FAM81B: variants seen among roughly 807,000 people sequenced by gnomAD.
The protein encoded by FAM81B is family with sequence similarity 81 member B, also known as protein FAM81B.
FAM81B carries 60 observed loss-of-function variants against 58.7 expected under a neutral mutation model. The ratio of observed to expected loss-of-function variants is 1.02; its 90% confidence interval spans 0.83 to 1.27. FAM81B has a LOEUF of 1.27. Ranked by LOEUF, FAM81B falls within the 50% of genes most tolerant of loss-of-function variation. The pLI is 0.00. For synonymous variants in FAM81B, 189 were observed against 179.6 expected, an observed-to-expected ratio of 1.05 and a Z score of -0.42; for missense variants, 491 against 522.0, an observed-to-expected ratio of 0.94 and a Z score of 0.58.
At chr5:95,433,813 C>T (rs1745000160) in intron 6 of FAM81B, among the ~76,000 whole-genome samples, 1 of 152,110 alleles carries the variant, frequency 6.6e-6, no homozygotes, top group South Asian at 2.1e-4. Context: ...ATTAAAGTCT[C>T]CTCTGGTTAT....
intron 6 of FAM81B, among the ~76,000 whole-genome samples, chr5:95,429,761 G>A (rs1429273172): frequency 6.6e-6 from 1 of 152,142 alleles, no homozygotes; most frequent in Admixed American, 6.5e-5. Context: ...AATAAAAGTG[G>A]TCATAGAAGG....
intron 6 of FAM81B, among the ~76,000 whole-genome samples, chr5:95,434,038 T>C (rs1250424023): frequency 2.0e-5 from 3 of 152,238 alleles, no homozygotes; most frequent in Non-Finnish European, 4.4e-5. Flanking sequence ...TTTTTATTCA[T>C]TTATTTTTAA....
intron 9 of FAM81B, chr5:95,448,715 A>G (rs752357228): frequency 1.8e-5 from 6 of 330,868 alleles, no homozygotes; most frequent in South Asian, 3.0e-5. Flanking sequence ...TTTTTTTTTT[A>G]CTAAGATCAT....
intron 7 of FAM81B, among the ~76,000 whole-genome samples, 164 bp downstream of exon 7, chr5:95,437,070 T>A (rs1193484430): frequency 6.6e-6 from 1 of 152,098 alleles, no homozygotes; most frequent in Non-Finnish European, 1.5e-5. Flanking sequence ...GTAACTTATA[T>A]AATATTTATA....
chr5:95,427,562 A>G (rs924567052), intron 5 of FAM81B, among the ~76,000 whole-genome samples: 3 of 152,202 alleles, frequency 2.0e-5, no homozygotes, highest in Middle Eastern at 3.2e-3. Flanking sequence ...CAAAAACTTT[A>G]AGGAAAAAAG....
chr5:95,430,741 A>C (rs989523566), intron 6 of FAM81B, among the ~76,000 whole-genome samples: 7 of 152,090 alleles, frequency 4.6e-5, no homozygotes, highest in African/African-American at 1.7e-4. Flanking sequence ...AAGCAGAGAG[A>C]GTACATGTGT....
Position 95,434,165 on chromosome 5 carries a change from A to T in FAM81B, c.787-2635A>T, listed in dbSNP as rs184720790. 4.3e-3 allele frequency among the ~76,000 whole-genome samples: 653 copies of T among 152,294 alleles called. 1 individual carries two copies. The highest frequency in any genetic ancestry group is 7.4e-3 in the Non-Finnish European group (501 of 68,000). Reference sequence around the variant, plus strand: ...CAAAATTTGGGAGGGGCTAGACTGGACCCTCAGGATCTCATAAGGCAGAAA... The same window carrying T: ...CAAAATTTGGGAGGGGCTAGACTGGTCCCTCAGGATCTCATAAGGCAGAAA... On this transcript the variant is annotated intron_variant, in intron 6 of 9. Transcript: ENST00000283357.
At chr5:95,448,198 A>T (rs1055028357) in intron 8 of FAM81B, 71 bp from the exon 9 acceptor site, 2 of 1,402,322 alleles carry the variant, frequency 1.4e-6, no homozygotes, top group African/African-American at 2.9e-5. Flanking sequence ...GAATGTTAAA[A>T]ATATTTTCTC....
At chr5:95,413,909 G>C in intron 3 of FAM81B, 38 bp from the exon 4 acceptor site, 1 of 1,571,664 alleles carries the variant, frequency 6.4e-7, no homozygotes. Flanking sequence ...GCTCATTCTT[G>C]TAATGCCCTG....
chr5:95,408,908 C>A lies in FAM81B; in HGVS notation c.294-5039C>A, dbSNP rs191869811. On this transcript the variant is annotated intron_variant, in intron 3 of 9. Coordinates refer to ENST00000283357, the MANE Select transcript of FAM81B (RefSeq NM_152548.3). ...CTTCCCTCTTTCTGATTCTCAGGTT[C>A]TAGAATTATGTTATCCCAAACAGTA... Among the ~76,000 whole-genome samples the A allele has an allele frequency of 2.6e-5, 4 of 152,264 alleles. No homozygotes were observed. The East Asian group carries it at 7.7e-4, about 29-fold the overall frequency.
At chr5:95,411,109 T>C (rs1363385525) in intron 3 of FAM81B, among the ~76,000 whole-genome samples, 1 of 152,154 alleles carries the variant, frequency 6.6e-6, no homozygotes. Flanking sequence ...AAATGTGACT[T>C]GGTATAGGGT....
intron 2 of FAM81B, 150 bp downstream of exon 2, chr5:95,393,047 C>T (rs1225326552): frequency 1.5e-6 from 1 of 648,756 alleles, no homozygotes; most frequent in Non-Finnish European, 2.4e-6. Flanking sequence ...CTGCTGAAAA[C>T]ACAAGCTGAA....
chr5:95,440,516 T>G (rs1745295598), intron 7 of FAM81B: 3 of 582,204 alleles, frequency 5.2e-6, no homozygotes, highest in Non-Finnish European at 9.8e-6. Flanking sequence ...GACAAAATAT[T>G]ATTGGTTTTG....
In FAM81B at chr5:95,425,772, A is replaced by T. The variant is rs572931176; in HGVS notation, c.657-2831A>T. ...TTTTAAAATTAGCAAATTTTTTTTT[A>T]AATGTTGAAGGCACAAGTATATAAA... On this transcript the variant is annotated intron_variant, in intron 5 of 9. Transcript: ENST00000283357. Among the ~76,000 whole-genome samples, 30 of 152,218 alleles carry T rather than the reference A, an allele frequency of 2.0e-4. 1 individual carries two copies. Among genetic ancestry groups the T allele is most frequent in the Non-Finnish European group, 3.2e-4 (22 of 68,000 alleles).
chr5:95,399,925 T>C (rs1306336478), intron 3 of FAM81B, among the ~76,000 whole-genome samples: 4 of 152,114 alleles, frequency 2.6e-5, no homozygotes, highest in Non-Finnish European at 5.9e-5. Flanking sequence ...AAAGCTGCTG[T>C]GATGTAGGAG....
intron 5 of FAM81B, among the ~76,000 whole-genome samples, chr5:95,425,236 A>G (rs2152766095): frequency 6.6e-6 from 1 of 152,186 alleles, no homozygotes; most frequent in East Asian, 1.9e-4. Context: ...ATGTGAATCT[A>G]TAGATTAAAA....
At chr5:95,411,137 A>G (rs1449970394) in intron 3 of FAM81B, among the ~76,000 whole-genome samples, 1 of 152,172 alleles carries the variant, frequency 6.6e-6, no homozygotes, top group Non-Finnish European at 1.5e-5. Context: ...CAGTACACAT[A>G]AGGGCTTTGG....
intron 5 of FAM81B, among the ~76,000 whole-genome samples, chr5:95,426,467 A>C (rs190233644): frequency 1.3e-5 from 2 of 152,078 alleles, no homozygotes; most frequent in African/African-American, 4.8e-5. Context: ...TAAATAAATC[A>C]TATCTGCTAA....
intron 6 of FAM81B, 56 bp from the exon 7 acceptor site, chr5:95,436,744 A>T: frequency 9.2e-7 from 1 of 1,091,594 alleles, no homozygotes; most frequent in Non-Finnish European, 1.4e-6. Context: ...AAAGTATATT[A>T]ATGTGAATGC....
Sources: gnomAD v4.1 joint callset for allele counts (sites outside exome capture counted in the v4.1 genomes callset) on GRCh38, gnomAD v4.1.1 for gene constraint, MANE v1.5 for transcripts, NCBI Gene and HGNC (gene_info 2026-07-23, HGNC 2026-07-21) for gene names.